The following HAL variants were observed in gnomAD, a reference collection of about 807,000 sequenced individuals.
HAL encodes histidine ammonia-lyase.
In HAL, 85 loss-of-function variants were observed where a neutral mutation model predicts 81.1. That is an observed-to-expected ratio of 1.05 (90% CI 0.88 to 1.25). The LOEUF (loss-of-function observed/expected upper bound fraction) is 1.25, where lower values mean the gene tolerates loss of function less well. Among genes scored for constraint, HAL ranks in the 50% most tolerant of loss-of-function variants. The pLI, the probability that HAL is intolerant of heterozygous loss-of-function variation, is 0.00. For synonymous variants in HAL, 301 were observed against 309.2 expected (o/e 0.97, Z 0.28); for missense variants, 798 against 836.6 (o/e 0.95, Z 0.57).
intron 10 of HAL, among the ~76,000 whole-genome samples, chr12:95,989,319 C>T (rs1009869096): frequency 6.6e-6 from 1 of 152,238 alleles, no homozygotes; most frequent in Non-Finnish European, 1.5e-5. Context: ...GCTGGGACTA[C>T]AGGCACATGC....
chr12:95,978,889 G>T (rs2080758192), intron 17 of HAL, among the ~76,000 whole-genome samples: 1 of 152,150 alleles, frequency 6.6e-6, no homozygotes, highest in Admixed American at 6.6e-5. Context: ...TTTCTATGCT[G>T]CATGGGATCG....
At position 95,995,065 on chromosome 12, in the gene HAL, C is replaced by A. The variant is rs576820275; in HGVS notation, c.248-72G>T. ...ATGTTCCCCCTGTTAAACCAAGGAA[C>A]GGCCCATCATTGGCCCATGAATTCT... On this transcript the variant is annotated intron_variant, in intron 2 of 20. Transcript: ENST00000261208. 16 of 1,149,784 alleles carry A rather than the reference C, an allele frequency of 1.4e-5. No homozygotes were observed. The East Asian group carries it at 3.3e-4, about 24-fold the overall frequency. The allele number at this position is 1,149,784 out of a possible 1,614,324, so 71.2% of individuals were successfully genotyped here. A position where few individuals can be genotyped will look rare whatever the true frequency, so the allele number is the denominator to read the frequency against.
intron 15 of HAL, chr12:95,983,586 C>T (rs990138193): frequency 1.3e-5 from 5 of 390,956 alleles, no homozygotes; most frequent in Non-Finnish European, 2.4e-5. Context: ...CCACCAACAA[C>T]CTTGGCAGTG....
chr12:95,983,721 G>GTCTGCCTGTGAGAGTAAGT (rs1949840510), intron 15 of HAL, 190 bp downstream of exon 15: 1 of 617,600 alleles, frequency 1.6e-6, no homozygotes, highest in Admixed American at 2.6e-5. Flanking sequence ...AAGTTCACAG[G>GTCTGCCTGTGAGAGTAAGT]TCACCTCTGC....
intron 7 of HAL, 105 bp downstream of exon 7, chr12:95,993,667 C>T (rs1440258067): frequency 5.8e-6 from 5 of 867,300 alleles, no homozygotes. Context: ...CAAGCCTCAT[C>T]CTCTGATCTG....
rs781397723 is a variant in HAL at position 95,976,675 on chromosome 12, C to G, written c.1686G>C (p.Gln562His). ...VLAIELLAAC[Q>H]GIEFLRPLKT... ...TCAGGGGACGTAGAAACTCTATGCC[C>G]TGGCAGGCTGCAAGGAGCTCGATGG... The change falls in exon 19 of 21, where the codon CAG becomes CAC. Residue 562 changes from glutamine (Q) to histidine (H), a missense_variant. Gln to His is a conservative substitution (Grantham distance 24). Coordinates refer to ENST00000261208, the MANE Select transcript of HAL (RefSeq NM_002108.4). The G allele has an allele frequency of 4.5e-5, 72 of 1,612,844 alleles. No individual in the cohort carries two copies. Among genetic ancestry groups the G allele is most frequent in the Non-Finnish European group, 5.9e-5 (69 of 1,178,948 alleles).
chr12:95,992,355 T>C (rs1949980624), intron 9 of HAL, among the ~76,000 whole-genome samples: 1 of 152,200 alleles, frequency 6.6e-6, no homozygotes, highest in Admixed American at 6.5e-5. Flanking sequence ...TTTCTAACCA[T>C]ATTCATGTAC....
chr12:95,992,276 T>A (rs1009066224), intron 9 of HAL, among the ~76,000 whole-genome samples: 7 of 152,222 alleles, frequency 4.6e-5, no homozygotes, highest in African/African-American at 1.7e-4. Flanking sequence ...ACATTACGAT[T>A]TCAGATTCCC....
chr12:95,976,226 A>G, intron 20 of HAL: 2 of 625,442 alleles, frequency 3.2e-6, no homozygotes, highest in Non-Finnish European at 5.8e-6. Context: ...ATCCTTAGAT[A>G]TTCAACCGTT....
At chr12:95,986,977 C>T in intron 12 of HAL, 90 bp downstream of exon 12, 1 of 1,118,112 alleles carries the variant, frequency 8.9e-7, no homozygotes, top group Non-Finnish European at 1.4e-6. Flanking sequence ...ACTACCTGCC[C>T]CCACCACTTC....
At chr12:95,976,828 T>C in intron 18 of HAL, 122 bp from the exon 19 acceptor site, 1 of 726,132 alleles carries the variant, frequency 1.4e-6, no homozygotes, top group Non-Finnish European at 2.5e-6. Flanking sequence ...TCTCTGTCTA[T>C]TGGTAGAATG....
Position 95,972,741 on chromosome 12 carries a change from T to C in HAL, c.*1491A>G, listed in dbSNP as rs1481456679. 2.0e-5 allele frequency: 3 copies of C among 152,194 alleles called. No individual in the cohort carries two copies. Among genetic ancestry groups the C allele is most frequent in the Non-Finnish European group, 4.4e-5 (3 of 68,048 alleles). The allele number at this position is 152,194 out of a possible 1,614,324, so 9.4% of individuals were successfully genotyped here. The stretch of plus-strand genomic sequence containing the variant: ...GTGCTGTCAGTTACTAATAGAGCTG[T>C]GTAGAAAACTCAGTGACAAAGTGTC... On this transcript the variant is annotated 3_prime_UTR_variant, in exon 21 of 21. Transcript: ENST00000261208.
At chr12:95,974,988 C>A (rs2080699235) in intron 20 of HAL, among the ~76,000 whole-genome samples, 1 of 152,216 alleles carries the variant, frequency 6.6e-6, no homozygotes, top group South Asian at 2.1e-4. Context: ...GATCCACCCA[C>A]CACAGCTTCC....
intron 17 of HAL, among the ~76,000 whole-genome samples, 194 bp downstream of exon 17, chr12:95,980,362 C>T (rs895121450): frequency 3.9e-5 from 6 of 152,092 alleles, no homozygotes; most frequent in African/African-American, 9.7e-5. Context: ...ATAACAGTAT[C>T]GAAGTTTTTA....
At chr12:95,992,360 A>G (rs11108368) in intron 9 of HAL, among the ~76,000 whole-genome samples, 92,885 of 152,036 alleles carry the variant, frequency 0.61, 29,076 homozygotes, top group African/African-American at 0.75. Context: ...AACCATATTC[A>G]TGTACCACTT....
chr12:95,982,342 A>C (rs2080804761), intron 15 of HAL, among the ~76,000 whole-genome samples: 1 of 152,262 alleles, frequency 6.6e-6, no homozygotes, highest in East Asian at 1.9e-4. Context: ...TTTGGCTGAA[A>C]TTCTTGCTGA....
intron 14 of HAL, among the ~76,000 whole-genome samples, chr12:95,984,480 A>G (rs1339758962): frequency 2.6e-5 from 4 of 152,258 alleles, no homozygotes; most frequent in Non-Finnish European, 5.9e-5. Flanking sequence ...TTCATTAAGC[A>G]CGAAGGCATC....
chr12:95,990,321 A>T (rs928322176), intron 10 of HAL, 72 bp downstream of exon 10: 65 of 1,228,600 alleles, frequency 5.3e-5, no homozygotes, highest in Non-Finnish European at 7.5e-5. Flanking sequence ...ACTAGGTGAT[A>T]CGAAGCATGC....
In HAL at chr12:95,992,653, G is replaced by A. The variant is rs1225465025; in HGVS notation, c.715+27C>T. 5.6e-6 allele frequency: 9 copies of A among 1,601,850 alleles called. No homozygotes were observed. The Admixed American group carries it at 1.0e-4, about 18-fold the overall frequency. The stretch of plus-strand genomic sequence containing the variant: ...TGGTACATGTCCAGCCTCCACAGAG[G>A]TTCCGTCTAGGGAGCCATTGCATTA... On this transcript the variant is annotated intron_variant, in intron 9 of 20. Transcript: ENST00000261208.
Sources: allele counts gnomAD v4.1 joint callset (sites outside exome capture counted in the v4.1 genomes callset), GRCh38; gene constraint gnomAD v4.1.1; transcripts MANE v1.5; gene names NCBI Gene and HGNC (gene_info 2026-07-23, HGNC 2026-07-21).